Variants in GATD1 observed in about 807,000 individuals in gnomAD.
The protein encoded by GATD1 is glutamine amidotransferase-like class 1 domain-containing protein 1.
GATD1 carries 23 observed loss-of-function variants against 25.9 expected under a neutral mutation model. That is an observed-to-expected ratio of 0.89 (90% CI 0.64 to 1.26). The LOEUF (loss-of-function observed/expected upper bound fraction) is 1.26. Ranked by LOEUF, GATD1 falls within the 50% of genes most tolerant of loss-of-function variation. The pLI is 0.00. For synonymous variants in GATD1, 177 were observed against 134.6 expected (o/e 1.31, Z -2.18); for missense variants, 347 against 312.5 (o/e 1.11, Z -0.83).
chr11:767,257 T>C lies in GATD1; in HGVS notation c.*3640A>G. 1 of 1,536,104 alleles carries C rather than the reference T, an allele frequency of 6.5e-7. No individual in the cohort carries two copies. Among genetic ancestry groups the C allele is most frequent in the Non-Finnish European group, 8.7e-7 (1 of 1,146,856 alleles). On this transcript the variant is annotated 3_prime_UTR_variant, in exon 8 of 8. Coordinates refer to ENST00000319863, the MANE Select transcript of GATD1 (RefSeq NM_182612.4). ...GCTGCATGGTTTTATTCCTCATGGG[T>C]AGATGAACACACACTGGTATATGGG...
rs1863161023 is a variant in GATD1, at chr11:768,130, C to CA, written c.*2766_*2767insT. The CA allele has an allele frequency of 2.0e-5, 3 of 151,810 alleles. No homozygotes were observed. The highest frequency in any genetic ancestry group is 4.4e-5 in the Non-Finnish European group (3 of 68,034). 9.4% of individuals were successfully genotyped at this position (151,810 alleles called of 1,614,324 possible). ...CCTCCCAAAGTGCTGGGATTACAGGCGTGAGCCACCGTGCCCGGCCAGTTT... is the reference window on the plus strand; with the variant it reads ...CCTCCCAAAGTGCTGGGATTACAGGCAGTGAGCCACCGTGCCCGGCCAGTTT... On this transcript the variant is annotated 3_prime_UTR_variant, in exon 8 of 8. Transcript: ENST00000319863.
chr11:775,191 G>A (rs376664008), intron 1 of GATD1, 49 bp from the exon 2 acceptor site: 62 of 1,465,840 alleles, frequency 4.2e-5, no homozygotes, highest in African/African-American at 8.3e-5. Context: ...AGCGTGCCCC[G>A]CCTCAGGGGG....
Position 768,672 on chromosome 11 carries a change from A to T in GATD1, c.*2225T>A, listed in dbSNP as rs985098185. 10 of 152,038 alleles carry T rather than the reference A, an allele frequency of 6.6e-5. No homozygotes were observed. Among genetic ancestry groups the T allele is most frequent in the African/African-American group, 2.4e-4 (10 of 41,458 alleles). 9.4% of individuals were successfully genotyped at this position (152,038 alleles called of 1,614,324 possible). ...CATCCAAAAAATAAAATAAAAATAA[A>T]AAAGTACTTGTTAGCCGGACGTGGC... On this transcript the variant is annotated 3_prime_UTR_variant, in exon 8 of 8. Transcript: ENST00000319863.
intron 6 of GATD1, 59 bp downstream of exon 6, chr11:771,274 C>A: frequency 6.3e-7 from 1 of 1,579,106 alleles, no homozygotes; most frequent in Non-Finnish European, 8.6e-7. Flanking sequence ...CCCCAGGCTG[C>A]AGCAGGGAAG....
rs906606353 is a variant in GATD1 at position 773,450 on chromosome 11, C to T, written c.355+72G>A. Reference sequence around the variant, plus strand: ...TACCTGGAGTCTTCCCACCTCTCTTCTGCTGGTGGGAGACCCATTTCTTGT... The same window carrying T: ...TACCTGGAGTCTTCCCACCTCTCTTTTGCTGGTGGGAGACCCATTTCTTGT... On this transcript the variant is annotated intron_variant, in intron 4 of 7. Coordinates refer to ENST00000319863, the MANE Select transcript of GATD1 (RefSeq NM_182612.4). The T allele has an allele frequency of 1.1e-4, 133 of 1,260,030 alleles. 3 individuals carry two copies. In the South Asian group the frequency reaches 1.3e-3, roughly 12 times the overall value. The allele number at this position is 1,260,030 out of a possible 1,614,324, so 78.1% of individuals were successfully genotyped here. A position where few individuals can be genotyped will look rare whatever the true frequency, so the allele number is the denominator to read the frequency against.
chr11:774,039 G>T lies in GATD1; in HGVS notation c.216C>A (p.Tyr72Ter), dbSNP rs267603198. The change falls in exon 3 of 8, where the codon TAC (tyrosine) becomes TAA (stop). Residue 72 changes from tyrosine (Y) to a stop codon, truncating the protein, a stop_gained. Transcript: ENST00000319863. LOFTEE classifies it high-confidence loss of function. ...TGGACTCGAGCTTGGCGGGGCTGGCGTAAGCCTTGAGGCGGAAGTCTTGCA... is the reference window on the plus strand; with the variant it reads ...TGGACTCGAGCTTGGCGGGGCTGGCTTAAGCCTTGAGGCGGAAGTCTTGCA... ...RWVQDFRLKA[Y>*]ASPAKLESID... The T allele has an allele frequency of 1.9e-6, 3 of 1,613,488 alleles. No homozygotes were observed. The highest frequency in any genetic ancestry group is 2.2e-5 in the South Asian group (2 of 91,094).
rs1240897011 is a variant in GATD1 at position 771,122 on chromosome 11, C to G, written c.545-18G>C. ...CTCGCTTGCTGGGGAGGACCGAGGG[C>G]ACCAACCTCAGGCAATGTCCACCTC... On this transcript the variant is annotated intron_variant, in intron 6 of 7. Transcript: ENST00000319863. 6.4e-7 allele frequency: 1 copy of G among 1,571,414 alleles called. No individual in the cohort carries two copies. The highest frequency in any genetic ancestry group is 1.1e-5 in the South Asian group (1 of 87,056).
At position 768,409 on chromosome 11, in the gene GATD1, AG is replaced by A. The variant is rs1372592378; in HGVS notation, c.*2487del. ...GCTTGAATCTGGGAGGCAGAGGCAGAGGTTGCAGTGAGCTGAGATCGCGCCA... is the reference window on the plus strand; with the variant it reads ...GCTTGAATCTGGGAGGCAGAGGCAGAGTTGCAGTGAGCTGAGATCGCGCCA... On this transcript the variant is annotated 3_prime_UTR_variant, in exon 8 of 8. Transcript: ENST00000319863. The A allele has an allele frequency of 6.6e-6, 1 of 150,540 alleles. No individual in the cohort carries two copies. Among genetic ancestry groups the A allele is most frequent in the African/African-American group, 2.4e-5 (1 of 40,958 alleles). 9.3% of individuals were successfully genotyped at this position (150,540 alleles called of 1,614,324 possible).
intron 6 of GATD1, 29 bp downstream of exon 6, chr11:771,304 T>G (rs778518551): frequency 1.6e-5 from 25 of 1,603,956 alleles, no homozygotes; most frequent in Non-Finnish European, 1.6e-5. Context: ...CCATCTTCTG[T>G]AAGTGCAGGG....
chr11:771,834 G>A (rs1863477298), intron 5 of GATD1, among the ~76,000 whole-genome samples: 1 of 152,090 alleles, frequency 6.6e-6, no homozygotes, highest in African/African-American at 2.4e-5. Context: ...CCCCTCGGAG[G>A]GCACCACTGA....
chr11:770,809 A>C lies in GATD1; in HGVS notation c.*88T>G, dbSNP rs1863358677. The C allele has an allele frequency of 1.3e-6, 2 of 1,543,354 alleles. No individual in the cohort carries two copies. Among genetic ancestry groups the C allele is most frequent in the Non-Finnish European group, 1.7e-6 (2 of 1,143,464 alleles). On this transcript the variant is annotated 3_prime_UTR_variant, in exon 8 of 8. Transcript: ENST00000319863. ...GCTGCCATCCAGGGCCCTTGTCAGG[A>C]GGGAAGAGGCGGGGTCCCTGAAGCC...
In GATD1 at chr11:769,786, T is replaced by G; in HGVS notation, c.*1111A>C. 3.0e-5 allele frequency: 12 copies of G among 397,020 alleles called. No individual in the cohort carries two copies. Among genetic ancestry groups the G allele is most frequent in the East Asian group, 1.6e-4 (1 of 6,192 alleles). The allele number at this position is 397,020 out of a possible 1,614,324, so 24.6% of individuals were successfully genotyped here. On this transcript the variant is annotated 3_prime_UTR_variant, in exon 8 of 8. Coordinates refer to ENST00000319863, the MANE Select transcript of GATD1 (RefSeq NM_182612.4). ...CACCATGCCAGGCTAACTTTTTGTA[T>G]TTTTGTTTTTTAGTAGAGATGGGGT...
At chr11:776,388 G>A (rs1863984075) in intron 1 of GATD1, among the ~76,000 whole-genome samples, 1 of 151,994 alleles carries the variant, frequency 6.6e-6, no homozygotes, top group African/African-American at 2.4e-5. Context: ...CCAGCTGCCC[G>A]CCCTTCCGGC....
Position 768,473 on chromosome 11 carries a change from CA to C in GATD1, c.*2423del, listed in dbSNP as rs558271878. On this transcript the variant is annotated 3_prime_UTR_variant, in exon 8 of 8. Transcript: ENST00000319863. ...CTGCCAACAGAGCAAGACTCCATCT[CA>C]AAAAAAAAAAAAAAGGAAAAATACA... 54,190 of 125,670 alleles carry C rather than the reference CA, an allele frequency of 0.43. 11,406 individuals are homozygous for C. Among genetic ancestry groups the C allele is most frequent in the Admixed American group, 0.54 (6,858 of 12,690 alleles). 7.8% of individuals were successfully genotyped at this position (125,670 alleles called of 1,614,324 possible).
intron 1 of GATD1, 185 bp downstream of exon 1, chr11:777,210 CCCGT>C: frequency 4.1e-6 from 1 of 242,810 alleles, no homozygotes; most frequent in Admixed American, 5.6e-5. Flanking sequence ...CACCCCCGCC[CCCGT>C]CCCCGCCCCG....
Position 770,983 on chromosome 11 carries a change from G to A in GATD1, c.656+10C>T. On this transcript the variant is annotated intron_variant, in intron 7 of 7. Transcript: ENST00000319863. ...ATGTGGCAGGAATGTGCCCACCCTG[G>A]TGCCCTCACCGGCTGCCACAGAGGA... 6 of 1,613,430 alleles carry A rather than the reference G, an allele frequency of 3.7e-6. No homozygotes were observed. The highest frequency in any genetic ancestry group is 4.2e-6 in the Non-Finnish European group (5 of 1,180,018).
intron 6 of GATD1, 28 bp from the exon 7 acceptor site, chr11:771,132 A>G (rs1863399930): frequency 6.4e-7 from 1 of 1,563,256 alleles, no homozygotes. Flanking sequence ...CACCAACCTC[A>G]GGCAATGTCC....
chr11:773,543 G>C lies in GATD1; in HGVS notation c.334C>G (p.Gln112Glu). The C allele has an allele frequency of 6.2e-7, 1 of 1,610,600 alleles. No individual in the cohort carries two copies. The highest frequency in any genetic ancestry group is 8.5e-7 in the Non-Finnish European group (1 of 1,179,084). ...ASSGSLARIL[Q>E]HFHSESKPIC... Reference sequence around the variant, plus strand: ...CTACTGCTCTCAGAGTGGAAGTGCTGCAGGATACGGGCCAGGGAGCCACTG... The same window carrying C: ...CTACTGCTCTCAGAGTGGAAGTGCTCCAGGATACGGGCCAGGGAGCCACTG... Residue 112 changes from glutamine (Q) to glutamate (E), a missense_variant, in exon 4 of 8, where the codon CAG (glutamine) becomes GAG (glutamate). Gln to Glu is a conservative substitution (Grantham distance 29, BLOSUM62 2). Coordinates refer to ENST00000319863, the MANE Select transcript of GATD1 (RefSeq NM_182612.4).
At position 767,630 on chromosome 11, in the gene GATD1, G is replaced by GT; in HGVS notation, c.*3266dup. On this transcript the variant is annotated 3_prime_UTR_variant, in exon 8 of 8. Coordinates refer to ENST00000319863, the MANE Select transcript of GATD1 (RefSeq NM_182612.4). ...ATGCACCCTGCTGTGGCCTGAGCAC[G>GT]TCCCCCCAAAACCCACCTGCTTAAG... is the stretch of plus-strand genomic sequence containing the variant. The GT allele has an allele frequency of 5.3e-6, 7 of 1,332,008 alleles. No individual in the cohort carries two copies. The highest frequency in any genetic ancestry group is 6.7e-6 in the Non-Finnish European group (7 of 1,041,596). 82.5% of individuals were successfully genotyped at this position (1,332,008 alleles called of 1,614,324 possible). A position where few individuals can be genotyped will look rare whatever the true frequency, so the allele number is the denominator to read the frequency against.
Sources: allele counts gnomAD v4.1 joint callset (sites outside exome capture counted in the v4.1 genomes callset), GRCh38; gene constraint gnomAD v4.1.1; transcripts MANE v1.5; gene names NCBI Gene and HGNC (gene_info 2026-07-23, HGNC 2026-07-21).